The following ZNF618 variants were observed in gnomAD, a reference collection of about 807,000 sequenced individuals.
ZNF618 encodes zinc finger protein 618, also known as neural precursor cell expressed, developmentally down-regulated 10.
A neutral mutation model predicts 103.0 loss-of-function variants in ZNF618; 34 were observed. That is an observed-to-expected ratio of 0.33 (90% CI 0.25 to 0.44). The LOEUF (loss-of-function observed/expected upper bound fraction) is 0.44, where lower values mean the gene tolerates loss of function less well. Among genes scored for constraint, ZNF618 ranks in the 20% least tolerant of loss-of-function variants. The pLI is 1.00. For missense variants in ZNF618, 1,059 were observed against 1,295.4 expected (o/e 0.82, Z 2.80); for synonymous variants, 551 against 542.2 (o/e 1.02, Z -0.23).
intron 1 of ZNF618, among the ~76,000 whole-genome samples, chr9:113,967,095 C>T (rs1279298207): frequency 6.6e-6 from 1 of 152,174 alleles, no homozygotes; most frequent in Non-Finnish European, 1.5e-5. Flanking sequence ...ACAAAAATGA[C>T]AACTTTAAAA....
intron 4 of ZNF618, among the ~76,000 whole-genome samples, chr9:113,998,777 G>A (rs1365424604): frequency 6.6e-6 from 1 of 152,200 alleles, no homozygotes; most frequent in Admixed American, 6.5e-5. Flanking sequence ...GACAGGCCAC[G>A]CCACGAGGTC....
intron 10 of ZNF618, among the ~76,000 whole-genome samples, chr9:114,025,074 G>A (rs1427281919): frequency 6.6e-6 from 1 of 152,162 alleles, no homozygotes; most frequent in Non-Finnish European, 1.5e-5. Context: ...CCTTTGTCCA[G>A]CTTTATAGTT....
rs746094713 is a variant in ZNF618, at chr9:113,988,302, G to A, written c.78-19G>A. 45 of 1,604,096 alleles carry A rather than the reference G, an allele frequency of 2.8e-5. No individual in the cohort carries two copies. Among genetic ancestry groups the A allele is most frequent in the Non-Finnish European group, 3.7e-5 (43 of 1,175,982 alleles). ...GATCTGGAGGAAGAAGGTATTGAACGGAGTTTCTTCTTTCCCAGGGAGCGC... is the reference window on the plus strand; with the variant it reads ...GATCTGGAGGAAGAAGGTATTGAACAGAGTTTCTTCTTTCCCAGGGAGCGC... On this transcript the variant is annotated intron_variant, in intron 2 of 14. Transcript: ENST00000374126.
At chr9:113,899,360 CA>C (rs1417482961) in intron 1 of ZNF618, among the ~76,000 whole-genome samples, 1 of 152,142 alleles carries the variant, frequency 6.6e-6, no homozygotes, top group Non-Finnish European at 1.5e-5. Context: ...TGACTTAGAT[CA>C]GGGGTCCCCA....
At chr9:114,002,711 G>A (rs754635789) in intron 6 of ZNF618, 49 bp downstream of exon 6, 7 of 1,599,520 alleles carry the variant, frequency 4.4e-6, no homozygotes, top group Non-Finnish European at 5.1e-6. Flanking sequence ...AGGGCTTGGG[G>A]TGGGATGAAG....
Position 113,994,516 on chromosome 9 carries a change from A to C in ZNF618, c.338-3743A>C, listed in dbSNP as rs143278132. On this transcript the variant is annotated intron_variant, in intron 3 of 14. Coordinates refer to ENST00000374126, the MANE Select transcript of ZNF618 (RefSeq NM_001318042.2). ...TGTTAGAAAGGGCCCTTGGGCTGTAAGTCAAGAGCCCAGGGTTTACCCTAC... is the reference window on the plus strand; with the variant it reads ...TGTTAGAAAGGGCCCTTGGGCTGTACGTCAAGAGCCCAGGGTTTACCCTAC... Among the ~76,000 whole-genome samples, 437 of 152,346 alleles carry C rather than the reference A, an allele frequency of 2.9e-3. 1 individual carries two copies. Among genetic ancestry groups the C allele is most frequent in the African/African-American group, 9.6e-3 (399 of 41,576 alleles).
chr9:113,968,590 A>G (rs1282758772), intron 1 of ZNF618, among the ~76,000 whole-genome samples: 1 of 152,096 alleles, frequency 6.6e-6, no homozygotes, highest in Non-Finnish European at 1.5e-5. Flanking sequence ...TCAGAATTGT[A>G]TGATTTCTGA....
chr9:114,007,195 A>C, intron 6 of ZNF618, among the ~76,000 whole-genome samples, 155 bp from the exon 7 acceptor site: 1 of 152,060 alleles, frequency 6.6e-6, no homozygotes, highest in East Asian at 1.9e-4. Flanking sequence ...TCTGATCCTC[A>C]GTTTCCTCAT....
At chr9:114,001,853 T>G in intron 4 of ZNF618, 143 bp from the exon 5 acceptor site, 1 of 735,810 alleles carries the variant, frequency 1.4e-6, no homozygotes, top group Non-Finnish European at 2.4e-6. Flanking sequence ...TCGTGACTTC[T>G]AGCTCGGTGC....
At position 114,028,865 on chromosome 9, in the gene ZNF618, C is replaced by T; in HGVS notation, c.977C>T (p.Ala326Val). 1 of 1,550,624 alleles carries T rather than the reference C, an allele frequency of 6.4e-7. No homozygotes were observed. Among genetic ancestry groups the T allele is most frequent in the Non-Finnish European group, 8.7e-7 (1 of 1,146,946 alleles). ...AACCAGTCGGGGAAAAAAGCTCCGG[C>T]CTCCGTGGTCCGATGTGCCACCCTC... ...QTNQSGKKAP[A>V]SVVRCATLLH... The change falls in exon 11 of 15, where the codon GCC (alanine) becomes GTC (valine). Residue 326 changes from alanine to valine, a missense_variant. Transcript: ENST00000374126.
chr9:114,044,921 A>G (rs1036344222), intron 13 of ZNF618, among the ~76,000 whole-genome samples: 1 of 151,956 alleles, frequency 6.6e-6, no homozygotes, highest in Non-Finnish European at 1.5e-5. Flanking sequence ...ATTTGTGTAC[A>G]TTGATTTTGT....
At chr9:113,889,003 A>G (rs1377941982) in intron 1 of ZNF618, among the ~76,000 whole-genome samples, 5 of 152,110 alleles carry the variant, frequency 3.3e-5, no homozygotes, top group East Asian at 1.9e-4. Context: ...AAATCCTCCA[A>G]TCAGCGCCAG....
chr9:114,053,159 A>G lies in ZNF618; in HGVS notation c.*2992A>G, dbSNP rs1300457440. The G allele has an allele frequency of 1.3e-5, 2 of 152,606 alleles. No homozygotes were observed. The highest frequency in any genetic ancestry group is 2.9e-5 in the Non-Finnish European group (2 of 68,056). 9.5% of individuals were successfully genotyped at this position (152,606 alleles called of 1,614,324 possible). On this transcript the variant is annotated 3_prime_UTR_variant, in exon 15 of 15. Transcript: ENST00000374126. ...TTCTCAGAGTGCAAATCCTGCTGCA[A>G]CTAACAGCTTAATAAAACCCAAAGA... is the stretch of plus-strand genomic sequence containing the variant.
intron 1 of ZNF618, among the ~76,000 whole-genome samples, chr9:113,940,951 G>A (rs1011417126): frequency 1.3e-5 from 2 of 152,040 alleles, no homozygotes; most frequent in Admixed American, 6.6e-5. Flanking sequence ...TTTCTGCCAC[G>A]TAATTTTGGT....
At chr9:113,915,299 T>G (rs1419185530) in intron 1 of ZNF618, among the ~76,000 whole-genome samples, 1 of 152,064 alleles carries the variant, frequency 6.6e-6, no homozygotes, top group East Asian at 1.9e-4. Context: ...GATTCTGAAA[T>G]AGTGGAAGTG....
chr9:114,054,949 C>G lies in ZNF618; in HGVS notation c.*4782C>G, dbSNP rs888810895. On this transcript the variant is annotated 3_prime_UTR_variant, in exon 15 of 15. Coordinates refer to ENST00000374126, the MANE Select transcript of ZNF618 (RefSeq NM_001318042.2). ...CCCGTCCCTTCCCCCCCCACCCCCCCGCCCACCCACCACGGGTGTCGCTTT... is the reference window on the plus strand; with the variant it reads ...CCCGTCCCTTCCCCCCCCACCCCCCGGCCCACCCACCACGGGTGTCGCTTT... The G allele has an allele frequency of 7.2e-6, 1 of 139,048 alleles. No individual in the cohort carries two copies. The highest frequency in any genetic ancestry group is 2.6e-5 in the African/African-American group (1 of 38,822). 8.6% of individuals were successfully genotyped at this position (139,048 alleles called of 1,614,324 possible). A position where few individuals can be genotyped will look rare whatever the true frequency, so the allele number is the denominator to read the frequency against.
At chr9:113,885,860 A>G (rs904805558) in intron 1 of ZNF618, among the ~76,000 whole-genome samples, 2 of 152,256 alleles carry the variant, frequency 1.3e-5, no homozygotes, top group African/African-American at 4.8e-5. Flanking sequence ...TGAGTCGACA[A>G]AAAAGTGATA....
At chr9:113,886,477 A>T (rs1829081320) in intron 1 of ZNF618, among the ~76,000 whole-genome samples, 1 of 152,114 alleles carries the variant, frequency 6.6e-6, no homozygotes, top group South Asian at 2.1e-4. Context: ...ACATTTTTGG[A>T]TGTTGGGGAA....
chr9:114,036,516 AG>A (rs1824879430), intron 13 of ZNF618, 139 bp downstream of exon 13: 2 of 870,254 alleles, frequency 2.3e-6, no homozygotes, highest in Non-Finnish European at 3.6e-6. Flanking sequence ...ACCTGCTTGC[AG>A]GGAGCCCCAG....
Sources: gnomAD v4.1 joint callset for allele counts (sites outside exome capture counted in the v4.1 genomes callset) on GRCh38, gnomAD v4.1.1 for gene constraint, MANE v1.5 for transcripts, NCBI Gene and HGNC (gene_info 2026-07-23, HGNC 2026-07-21) for gene names.